MPDZ: variants seen among roughly 807,000 people sequenced by gnomAD.
MPDZ encodes the protein multiple PDZ domain crumbs cell polarity complex component.
MPDZ carries 234 observed loss-of-function variants against 239.1 expected under a neutral mutation model. That is an observed-to-expected ratio of 0.98 (90% CI 0.88 to 1.09). MPDZ has a LOEUF of 1.09. MPDZ is among the 50% of genes least tolerant of loss of function. The pLI, the probability that MPDZ is intolerant of heterozygous loss-of-function variation, is 0.00. For missense variants in MPDZ, 3,175 were observed against 2,510.0 expected (o/e 1.26, Z -5.66); for synonymous variants, 1,048 against 881.3 (o/e 1.19, Z -3.35).
In MPDZ at chr9:13,276,847, C is replaced by A. The variant is rs1282824380; in HGVS notation, c.-58+2553G>T. On this transcript the variant is annotated intron_variant, in intron 1 of 46. Transcript: ENST00000319217. The stretch of plus-strand genomic sequence containing the variant: ...ATCTACCTCTAAGTGAGGATAGTTA[C>A]CTTCCAGGCAATTCATTGTTCCTCT... 2.6e-5 allele frequency: 4 copies of A among 152,134 alleles called. No individual in the cohort carries two copies. In the East Asian group the frequency reaches 7.7e-4, roughly 29 times the overall value. The allele number at this position is 152,134 out of a possible 1,614,324, so 9.4% of individuals were successfully genotyped here.
chr9:13,117,811 T>C (rs17543658), intron 39 of MPDZ, among the ~76,000 whole-genome samples: 1,623 of 151,922 alleles, frequency 0.011, 21 homozygotes, highest in Middle Eastern at 0.02. Context: ...TATACAAATA[T>C]TTATGGTGTT....
chr9:13,173,614 A>G (rs1952069433), intron 21 of MPDZ, among the ~76,000 whole-genome samples: 1 of 151,934 alleles, frequency 6.6e-6, no homozygotes, highest in South Asian at 2.1e-4. Flanking sequence ...GAGAGGGATG[A>G]GAATTGCTTG....
rs142882036 is a variant in MPDZ, at chr9:13,277,925, T to C, written c.-58+1475A>G. Among the ~76,000 whole-genome samples the C allele has an allele frequency of 1.3e-3, 200 of 152,314 alleles. 2 individuals are homozygous for C. The highest frequency in any genetic ancestry group is 5.2e-3 in the East Asian group (27 of 5,170). Reference sequence around the variant, plus strand: ...CAAAATTCCATCAGGTGCTAAGGCATACATTATACAAATTTAGATAGTTCC... The same window carrying C: ...CAAAATTCCATCAGGTGCTAAGGCACACATTATACAAATTTAGATAGTTCC... On this transcript the variant is annotated intron_variant, in intron 1 of 46. Coordinates refer to ENST00000319217, the MANE Select transcript of MPDZ (RefSeq NM_001378778.1).
In MPDZ at chr9:13,143,474, C is replaced by A. The variant is rs370525854; in HGVS notation, c.3832G>T (p.Ala1278Ser). The change falls in exon 27 of 47, where the codon GCC (alanine) becomes TCC (serine). Residue 1278 changes from alanine to serine, a missense_variant. Ala to Ser is a moderately conservative substitution (Grantham distance 99, BLOSUM62 1). Coordinates refer to ENST00000319217, the MANE Select transcript of MPDZ (RefSeq NM_001378778.1). ...AATGGGCATTATCCAACCTTGTCGGCGTTGATTTGTAGAGAGTCAGCAAAT... is the reference window on the plus strand; with the variant it reads ...AATGGGCATTATCCAACCTTGTCGGAGTTGATTTGTAGAGAGTCAGCAAAT... The part of the protein sequence containing the change: ...NPFADSLQIN[A>S]DKAPSQSESE... 1.9e-6 allele frequency: 3 copies of A among 1,611,010 alleles called. No individual in the cohort carries two copies. Among genetic ancestry groups the A allele is most frequent in the African/African-American group, 1.3e-5 (1 of 74,750 alleles).
intron 15 of MPDZ, among the ~76,000 whole-genome samples, chr9:13,190,815 T>G (rs1424338685): frequency 1.3e-5 from 2 of 152,134 alleles, no homozygotes; most frequent in Non-Finnish European, 2.9e-5. Flanking sequence ...TGAAATCAGA[T>G]TTGCCCCCAG....
chr9:13,141,507 T>C (rs961347705), intron 27 of MPDZ, among the ~76,000 whole-genome samples: 4 of 152,186 alleles, frequency 2.6e-5, no homozygotes, highest in African/African-American at 9.6e-5. Flanking sequence ...CCTATAGTTT[T>C]CCTATATATC....
intron 3 of MPDZ, among the ~76,000 whole-genome samples, chr9:13,230,260 T>C (rs1961974286): frequency 6.6e-6 from 1 of 152,078 alleles, no homozygotes. Context: ...TAAAAACAAC[T>C]AGATATGCAT....
intron 3 of MPDZ, among the ~76,000 whole-genome samples, chr9:13,245,725 C>T (rs1046250515): frequency 5.9e-5 from 9 of 152,214 alleles, no homozygotes; most frequent in Non-Finnish European, 7.4e-5. Context: ...TAGTTGGTCT[C>T]GGTCTCAACA....
In MPDZ at chr9:13,151,503, C is replaced by T. The variant is rs578047234; in HGVS notation, c.3453-815G>A. On this transcript the variant is annotated intron_variant, in intron 24 of 46. Coordinates refer to ENST00000319217, the MANE Select transcript of MPDZ (RefSeq NM_001378778.1). ...CCATAATATGAATAAACCTTGAAGA[C>T]ATTATGCTAAGTGAAGTTAAGTCAT... Among the ~76,000 whole-genome samples the T allele has an allele frequency of 3.9e-5, 6 of 152,072 alleles. No individual in the cohort carries two copies. The East Asian group carries it at 1.2e-3, about 29-fold the overall frequency.
At chr9:13,160,345 A>G (rs1950314812) in intron 23 of MPDZ, among the ~76,000 whole-genome samples, 1 of 152,154 alleles carries the variant, frequency 6.6e-6, no homozygotes, top group African/African-American at 2.4e-5. Context: ...AAGCATTCTG[A>G]TATCCACAGA....
At chr9:13,111,455 T>C (rs528740512) in intron 43 of MPDZ, among the ~76,000 whole-genome samples, 1 of 152,360 alleles carries the variant, frequency 6.6e-6, no homozygotes, top group African/African-American at 2.4e-5. Flanking sequence ...GAGATTTTGC[T>C]TTAGAGAGAC....
intron 43 of MPDZ, among the ~76,000 whole-genome samples, chr9:13,110,975 GA>G (rs746832918): frequency 1.1e-4 from 17 of 152,192 alleles, no homozygotes; most frequent in Non-Finnish European, 2.1e-4. Context: ...GGGAGAAGGA[GA>G]AAGTCACTCT....
At chr9:13,269,897 T>G (rs570669643) in intron 1 of MPDZ, among the ~76,000 whole-genome samples, 2 of 152,314 alleles carry the variant, frequency 1.3e-5, no homozygotes, top group African/African-American at 4.8e-5. Context: ...TGAACCTATC[T>G]GAACACGTAC....
intron 41 of MPDZ, among the ~76,000 whole-genome samples, chr9:13,113,667 AAC>A (rs1387919580): frequency 6.6e-6 from 1 of 152,216 alleles, no homozygotes; most frequent in East Asian, 1.9e-4. Flanking sequence ...TAAAATCAAA[AAC>A]ACCAATCTGC....
intron 1 of MPDZ, among the ~76,000 whole-genome samples, chr9:13,257,432 C>G (rs1035107081): frequency 2.0e-5 from 3 of 152,134 alleles, no homozygotes; most frequent in African/African-American, 7.2e-5. Flanking sequence ...TTTTAAAGCC[C>G]AAACTCTATC....
intron 46 of MPDZ, among the ~76,000 whole-genome samples, chr9:13,107,913 G>A (rs1034954005): frequency 6.6e-6 from 1 of 152,100 alleles, no homozygotes; most frequent in Non-Finnish European, 1.5e-5. Flanking sequence ...ATTGTTCCTA[G>A]GCTGAGGAAA....
intron 36 of MPDZ, 52 bp from the exon 37 acceptor site, chr9:13,122,222 G>C (rs1164539665): frequency 1.5e-5 from 23 of 1,547,350 alleles, no homozygotes; most frequent in Non-Finnish European, 2.0e-5. Flanking sequence ...CCTAGGAATG[G>C]TGAGCAGAAA....
intron 11 of MPDZ, 25 bp downstream of exon 11, chr9:13,205,891 A>G: frequency 2.0e-6 from 3 of 1,538,158 alleles, no homozygotes; most frequent in East Asian, 2.3e-5. Context: ...AGGTCTAACT[A>G]AAAACCAGAT....
At chr9:13,155,023 C>G (rs1007041415) in intron 24 of MPDZ, among the ~76,000 whole-genome samples, 2 of 152,070 alleles carry the variant, frequency 1.3e-5, no homozygotes, top group African/African-American at 4.8e-5. Flanking sequence ...TCGAGACCAT[C>G]CTGGCCAACA....
Sources: allele counts gnomAD v4.1 joint callset (sites outside exome capture counted in the v4.1 genomes callset), GRCh38; gene constraint gnomAD v4.1.1; transcripts MANE v1.5; gene names NCBI Gene and HGNC (gene_info 2026-07-23, HGNC 2026-07-21).